Variants in SOX5 observed in about 807,000 individuals in gnomAD.
SOX5 encodes the protein SRY-box transcription factor 5.
Under a neutral mutation model 92.0 loss-of-function variants are expected in SOX5, and 9 were observed. That is an observed-to-expected ratio of 0.10 (90% CI 0.06 to 0.17). The LOEUF (loss-of-function observed/expected upper bound fraction) is 0.17, where lower values mean the gene tolerates loss of function less well. SOX5 is among the 10% of genes least tolerant of loss of function. The probability of loss-of-function intolerance (pLI) is 1.00; values close to 1 mark genes in which losing one functional copy is unlikely to be tolerated. For missense variants in SOX5, 642 were observed against 944.5 expected (o/e 0.68, Z 4.20); for synonymous variants, 344 against 336.3 (o/e 1.02, Z -0.25).
chr12:23,715,156 G>A (rs1042665804), intron 6 of SOX5, among the ~76,000 whole-genome samples: 3 of 152,082 alleles, frequency 2.0e-5, no homozygotes, highest in African/African-American at 4.8e-5. Context: ...AAAATTAGCC[G>A]GGTGCGATGG....
chr12:24,016,335 A>G (rs1433135740), intron 4 of SOX5, among the ~76,000 whole-genome samples: 1 of 152,174 alleles, frequency 6.6e-6, no homozygotes, highest in Non-Finnish European at 1.5e-5. Context: ...AAAAACAACC[A>G]TACACAAAAA....
intron 4 of SOX5, among the ~76,000 whole-genome samples, chr12:24,044,931 ATGTTCTAAC>A (rs1419106469): frequency 1.3e-5 from 2 of 152,240 alleles, no homozygotes; most frequent in Non-Finnish European, 1.5e-5. Context: ...TAAATGTAGC[ATGTTCTAAC>A]TGTTTTTAAA....
chr12:24,514,132 T>C (rs1441465882), intron 1 of SOX5, among the ~76,000 whole-genome samples: 2 of 152,208 alleles, frequency 1.3e-5, no homozygotes, highest in African/African-American at 4.8e-5. Context: ...AATTAGCCAA[T>C]TGCTTCTTTC....
At chr12:24,269,678 T>C (rs189957681) in intron 3 of SOX5, among the ~76,000 whole-genome samples, 6 of 145,516 alleles carry the variant, frequency 4.1e-5, no homozygotes, top group Admixed American at 2.9e-4. Flanking sequence ...CACATTTCTT[T>C]ATTTTTATTC....
At chr12:23,845,955 C>A in intron 3 of SOX5, 28 bp downstream of exon 3, 1 of 1,557,556 alleles carries the variant, frequency 6.4e-7, no homozygotes, top group Non-Finnish European at 8.9e-7. Flanking sequence ...GACACAGCAT[C>A]AACTTTGTTT....
At chr12:24,007,164 T>C (rs1952310770) in intron 4 of SOX5, among the ~76,000 whole-genome samples, 1 of 41,284 alleles carries the variant, frequency 2.4e-5, no homozygotes, top group African/African-American at 6.7e-5. Context: ...TATATATACA[T>C]TTATATATGT....
rs541727426 is a variant in SOX5 at position 23,832,533 on chromosome 12, C to T, written c.481+13450G>A. On this transcript the variant is annotated intron_variant, in intron 3 of 14. Transcript: ENST00000451604. ...GAAATACATAATGTTTCTGGTATAT[C>T]TAAAGTAACAATGTTTCAAGGTAGC... Among the ~76,000 whole-genome samples the T allele has an allele frequency of 1.3e-4, 20 of 151,964 alleles. No homozygotes were observed. In the South Asian group the frequency reaches 1.7e-3, roughly 13 times the overall value.
At chr12:24,220,306 A>C (rs1191603808) in intron 3 of SOX5, among the ~76,000 whole-genome samples, 1 of 152,144 alleles carries the variant, frequency 6.6e-6, no homozygotes, top group Non-Finnish European at 1.5e-5. Context: ...CCAAAACATT[A>C]ATGTTCCAAA....
At chr12:24,459,247 C>T (rs892444039) in intron 1 of SOX5, among the ~76,000 whole-genome samples, 3 of 152,098 alleles carry the variant, frequency 2.0e-5, no homozygotes, top group African/African-American at 2.4e-5. Context: ...AGGTTTCTTG[C>T]GCACGCTCCA....
chr12:24,021,145 T>C (rs1488693673), intron 4 of SOX5, among the ~76,000 whole-genome samples: 2 of 152,140 alleles, frequency 1.3e-5, no homozygotes. Flanking sequence ...ATAACTTCTG[T>C]CTATTAAACA....
chr12:23,695,053 G>A (rs530307355), intron 6 of SOX5, among the ~76,000 whole-genome samples: 436 of 152,012 alleles, frequency 2.9e-3, no homozygotes, highest in Non-Finnish European at 5.0e-3. Context: ...CTGGGAAGTC[G>A]GGGCTGCAGT....
At chr12:23,628,441 A>G (rs1370811453) in intron 8 of SOX5, among the ~76,000 whole-genome samples, 3 of 152,110 alleles carry the variant, frequency 2.0e-5, no homozygotes, top group Non-Finnish European at 2.9e-5. Context: ...CACTAACACT[A>G]TTACTTTTAA....
upstream of SOX5, chr12:23,949,760 CTCTCTG>C (rs1268614832): frequency 2.3e-3 from 1,796 of 779,110 alleles, 3 homozygotes; most frequent in Admixed American, 2.7e-3. Flanking sequence ...CTCCCTCTCT[CTCTCTG>C]TCTCTCTCTC....
At chr12:23,649,281 GAA>G (rs559878134) in intron 7 of SOX5, among the ~76,000 whole-genome samples, 1 of 146,774 alleles carries the variant, frequency 6.8e-6, no homozygotes, top group African/African-American at 2.5e-5. Flanking sequence ...GCTGCTGTAA[GAA>G]AAAAAAAAGA....
intron 4 of SOX5, among the ~76,000 whole-genome samples, chr12:24,001,333 C>A (rs989695234): frequency 6.6e-6 from 1 of 152,070 alleles, no homozygotes; most frequent in Admixed American, 6.6e-5. Flanking sequence ...CCCAACTGAT[C>A]CTCCTACCTT....
chr12:24,116,605 A>G (rs1214505089), intron 4 of SOX5, among the ~76,000 whole-genome samples: 1 of 152,158 alleles, frequency 6.6e-6, no homozygotes, highest in Non-Finnish European at 1.5e-5. Context: ...AGATTAATGA[A>G]AATAAAGATG....
intron 4 of SOX5, among the ~76,000 whole-genome samples, chr12:24,112,521 CTTTTTTTTTTTT>C (rs139323766): frequency 6.3e-4 from 48 of 75,692 alleles, no homozygotes; most frequent in Admixed American, 9.3e-4. Context: ...TTCAAGGTTC[CTTTTTTTTTTTT>C]TTTTTTTTTT....
At chr12:24,368,756 C>T (rs1158468246) in intron 1 of SOX5, 5 of 152,214 alleles carry the variant, frequency 3.3e-5, no homozygotes, top group Admixed American at 3.3e-4. Flanking sequence ...TATCAACCTT[C>T]TTCCTGTATA....
intron 3 of SOX5, among the ~76,000 whole-genome samples, chr12:24,231,561 G>C (rs1357351672): frequency 1.3e-5 from 2 of 152,162 alleles, no homozygotes; most frequent in Admixed American, 6.5e-5. Flanking sequence ...ACAACAAAGT[G>C]AAAGATACAC....
Sources: allele counts gnomAD v4.1 joint callset (sites outside exome capture counted in the v4.1 genomes callset), GRCh38; gene constraint gnomAD v4.1.1; transcripts MANE v1.5; gene names NCBI Gene and HGNC (gene_info 2026-07-23, HGNC 2026-07-21).